The following CDK14 variants were observed in gnomAD, a reference collection of about 807,000 sequenced individuals.
CDK14 encodes cyclin-dependent kinase 14.
In CDK14, 34 loss-of-function variants were observed where a neutral mutation model predicts 60.7. The observed-to-expected ratio is 0.56, with a 90% CI of 0.43 to 0.75. CDK14 has a LOEUF of 0.75. Ranked by LOEUF, CDK14 falls within the 30% of genes least tolerant of loss-of-function variation. The pLI is 0.00. For synonymous variants in CDK14, 197 were observed against 203.7 expected (o/e 0.97, Z 0.28); for missense variants, 482 against 564.1 (o/e 0.85, Z 1.47).
At chr7:90,803,237 G>T (rs34750309) in intron 5 of CDK14, among the ~76,000 whole-genome samples, 31,144 of 151,912 alleles carry the variant, frequency 0.21, 3,330 homozygotes, top group South Asian at 0.24. Flanking sequence ...CCACATTGTG[G>T]GGATTGAGTA....
At chr7:90,611,215 C>T (rs1799532301) in intron 2 of CDK14, among the ~76,000 whole-genome samples, 1 of 152,134 alleles carries the variant, frequency 6.6e-6, no homozygotes, top group Admixed American at 6.5e-5. Context: ...TTAAGTCTTC[C>T]CCATCTCGTC....
chr7:90,760,693 C>T (rs183387501), intron 4 of CDK14, among the ~76,000 whole-genome samples: 1 of 152,272 alleles, frequency 6.6e-6, no homozygotes, highest in Non-Finnish European at 1.5e-5. Flanking sequence ...AAAATAACAT[C>T]ACAGTATAAT....
chr7:90,649,349 CTTCCTTCCTTCCTTCCT>C lies in CDK14; in HGVS notation c.123+45119_123+45135del, dbSNP rs1284581842. Among the ~76,000 whole-genome samples, 47 of 47,030 alleles carry C rather than the reference CTTCCTTCCTTCCTTCCT, an allele frequency of 1.0e-3. 2 individuals are homozygous for C. Among genetic ancestry groups the C allele is most frequent in the African/African-American group, 3.3e-3 (25 of 7,498 alleles). 30.9% of individuals were successfully genotyped at this position (47,030 alleles called of 152,430 possible). The stretch of plus-strand genomic sequence containing the variant: ...CCTTCCTTCCTTCCTTCCTTCCTTC[CTTCCTTCCTTCCTTCCT>C]TTCCTTCCTTCCTTCCTTCCTTCCT... On this transcript the variant is annotated intron_variant, in intron 2 of 14. Transcript: ENST00000380050.
At chr7:90,608,512 T>TA (rs1377080667) in intron 2 of CDK14, 1 of 979,334 alleles carries the variant, frequency 1.0e-6, no homozygotes, top group African/African-American at 1.7e-5. Context: ...AGTTCTGCTT[T>TA]ATCCCTCTGT....
chr7:90,863,523 A>G (rs1485522772), intron 6 of CDK14, among the ~76,000 whole-genome samples: 1 of 152,226 alleles, frequency 6.6e-6, no homozygotes, highest in Non-Finnish European at 1.5e-5. Context: ...CCTATTTGTT[A>G]CTAGGATACA....
At chr7:91,161,535 T>G (rs1377339993) in intron 14 of CDK14, among the ~76,000 whole-genome samples, 1 of 152,192 alleles carries the variant, frequency 6.6e-6, no homozygotes, top group East Asian at 1.9e-4. Flanking sequence ...GCACAAGTTG[T>G]TTTCATGATA....
intron 2 of CDK14, among the ~76,000 whole-genome samples, chr7:90,685,000 T>C (rs1278794462): frequency 2.0e-5 from 3 of 148,788 alleles, no homozygotes; most frequent in Non-Finnish European, 4.5e-5. Flanking sequence ...TTTTTTTTTT[T>C]CATTTTTAGG....
At chr7:90,940,090 G>A (rs1793872146) in intron 8 of CDK14, among the ~76,000 whole-genome samples, 1 of 151,992 alleles carries the variant, frequency 6.6e-6, no homozygotes, top group Admixed American at 6.6e-5. Flanking sequence ...TTTTCTGTAG[G>A]TAACATGTGC....
intron 2 of CDK14, among the ~76,000 whole-genome samples, chr7:90,663,624 G>C (rs1409817000): frequency 1.3e-5 from 2 of 152,128 alleles, no homozygotes; most frequent in African/African-American, 4.8e-5. Context: ...CTTCTATTTA[G>C]TGTCTCTCTC....
At chr7:90,808,495 A>C (rs1290594803) in intron 5 of CDK14, among the ~76,000 whole-genome samples, 3 of 152,318 alleles carry the variant, frequency 2.0e-5, no homozygotes, top group Admixed American at 6.5e-5. Flanking sequence ...ACAACTGGTA[A>C]CAGCCACTGC....
Position 91,160,784 on chromosome 7 carries a change from T to C in CDK14, c.*28+42576T>C, listed in dbSNP as rs547607290. ...AGCCTAGTTATGTACATGGATGTTA[T>C]GGGTTTTTCAGAATATAAGGGGTCA... On this transcript the variant is annotated intron_variant, in intron 14 of 14. Transcript: ENST00000380050. 1.0e-3 allele frequency among the ~76,000 whole-genome samples: 158 copies of C among 152,316 alleles called. 1 individual carries two copies. The highest frequency in any genetic ancestry group is 3.7e-3 in the African/African-American group (155 of 41,596).
At chr7:90,707,818 A>G (rs1176992211) in intron 2 of CDK14, among the ~76,000 whole-genome samples, 2 of 152,154 alleles carry the variant, frequency 1.3e-5, no homozygotes, top group East Asian at 3.9e-4. Flanking sequence ...CACCTAAGGA[A>G]TATTATTTAT....
At chr7:90,945,861 T>C (rs567955768) in intron 8 of CDK14, among the ~76,000 whole-genome samples, 4 of 152,194 alleles carry the variant, frequency 2.6e-5, no homozygotes, top group Non-Finnish European at 2.9e-5. Flanking sequence ...ACACATCTTG[T>C]AAGTGGCAGT....
At chr7:90,846,345 C>A (rs906616310) in intron 5 of CDK14, among the ~76,000 whole-genome samples, 1 of 152,282 alleles carries the variant, frequency 6.6e-6, no homozygotes, top group East Asian at 1.9e-4. Flanking sequence ...CATGCACTTA[C>A]AAAGATCTGC....
chr7:90,817,821 T>C (rs549104127), intron 5 of CDK14, among the ~76,000 whole-genome samples: 3 of 152,214 alleles, frequency 2.0e-5, no homozygotes, highest in Non-Finnish European at 4.4e-5. Flanking sequence ...ACTTCCAAGG[T>C]TGATTTGGAT....
intron 5 of CDK14, among the ~76,000 whole-genome samples, chr7:90,828,151 G>A (rs1034003379): frequency 2.6e-5 from 4 of 152,156 alleles, no homozygotes; most frequent in Non-Finnish European, 4.4e-5. Context: ...AATTATGTCT[G>A]TATTTAAAAC....
At chr7:90,949,578 A>T (rs556420083) in intron 8 of CDK14, among the ~76,000 whole-genome samples, 1 of 152,180 alleles carries the variant, frequency 6.6e-6, no homozygotes, top group African/African-American at 2.4e-5. Context: ...GAACTTAAAA[A>T]ATTCAGGGAT....
At chr7:90,936,765 G>T (rs917594346) in intron 8 of CDK14, among the ~76,000 whole-genome samples, 1 of 152,100 alleles carries the variant, frequency 6.6e-6, no homozygotes, top group Non-Finnish European at 1.5e-5. Flanking sequence ...GCATATGCAC[G>T]CTGTGTCTGG....
chr7:90,941,657 T>C (rs1474004793), intron 8 of CDK14, among the ~76,000 whole-genome samples: 1 of 152,086 alleles, frequency 6.6e-6, no homozygotes, highest in Admixed American at 6.5e-5. Flanking sequence ...TCTTGCTATG[T>C]TGCCCAGGCT....
Sources: gnomAD v4.1 joint callset for allele counts (sites outside exome capture counted in the v4.1 genomes callset) on GRCh38, gnomAD v4.1.1 for gene constraint, MANE v1.5 for transcripts, NCBI Gene and HGNC (gene_info 2026-07-23, HGNC 2026-07-21) for gene names.